Variants in ARL15 observed in about 807,000 individuals in gnomAD.
The protein encoded by ARL15 is ADP-ribosylation factor-like protein 15.
A neutral mutation model predicts 25.2 loss-of-function variants in ARL15; 19 were observed. The ratio of observed to expected loss-of-function variants is 0.75; its 90% CI spans 0.53 to 1.10. The LOEUF is 1.10. Ranked by LOEUF, ARL15 falls within the 50% of genes least tolerant of loss-of-function variation. ARL15 has a pLI of 0.00. For missense variants in ARL15, 220 were observed against 246.0 expected, an observed-to-expected ratio of 0.89 and a Z score of 0.71; for synonymous variants, 94 against 86.8, an observed-to-expected ratio of 1.08 and a Z score of -0.46.
At chr5:54,071,169 CAA>C (rs71598898) in intron 4 of ARL15, among the ~76,000 whole-genome samples, 16,570 of 137,714 alleles carry the variant, frequency 0.12, 1,391 homozygotes, top group African/African-American at 0.24. Flanking sequence ...GACCCTGTCT[CAA>C]AAAAAAAAAA....
intron 4 of ARL15, among the ~76,000 whole-genome samples, chr5:54,008,361 A>G (rs1749116009): frequency 6.6e-6 from 1 of 152,240 alleles, no homozygotes; most frequent in Non-Finnish European, 1.5e-5. Flanking sequence ...CGACTACTAA[A>G]TGCATTATTA....
At chr5:54,205,279 T>G (rs1755836432) in intron 1 of ARL15, among the ~76,000 whole-genome samples, 1 of 152,120 alleles carries the variant, frequency 6.6e-6, no homozygotes, top group African/African-American at 2.4e-5. Flanking sequence ...CCCATGACGG[T>G]AAAGGCATCT....
At chr5:54,143,553 T>A (rs1440984882) in intron 3 of ARL15, among the ~76,000 whole-genome samples, 1 of 152,076 alleles carries the variant, frequency 6.6e-6, no homozygotes, top group Non-Finnish European at 1.5e-5. Flanking sequence ...GGGAATTTAA[T>A]CTACTTACAT....
chr5:54,097,573 T>G (rs1752325614), intron 4 of ARL15, among the ~76,000 whole-genome samples: 1 of 152,210 alleles, frequency 6.6e-6, no homozygotes, highest in East Asian at 1.9e-4. Flanking sequence ...TTGTAGTATA[T>G]AAATTCCAAA....
At chr5:53,956,798 C>T (rs940915712) in intron 4 of ARL15, among the ~76,000 whole-genome samples, 2 of 151,934 alleles carry the variant, frequency 1.3e-5, no homozygotes, top group Non-Finnish European at 2.9e-5. Flanking sequence ...CTGAAAACTA[C>T]AATGACTCAA....
chr5:54,085,151 A>G (rs187728078), intron 4 of ARL15, among the ~76,000 whole-genome samples: 6 of 152,328 alleles, frequency 3.9e-5, no homozygotes, highest in South Asian at 2.1e-4. Flanking sequence ...TTCTGTACAG[A>G]ACAGGGAAAC....
chr5:54,000,261 A>G (rs1314868696), intron 4 of ARL15, among the ~76,000 whole-genome samples: 3 of 152,176 alleles, frequency 2.0e-5, no homozygotes, highest in Non-Finnish European at 4.4e-5. Flanking sequence ...AAAAACAAAA[A>G]CACCAACTCT....
intron 4 of ARL15, among the ~76,000 whole-genome samples, chr5:54,041,065 C>T (rs1750329484): frequency 6.6e-6 from 1 of 152,174 alleles, no homozygotes; most frequent in African/African-American, 2.4e-5. Context: ...ACATACGCCT[C>T]AAAGGCTTGG....
At chr5:53,964,286 T>A (rs200735840) in intron 4 of ARL15, among the ~76,000 whole-genome samples, 1,646 of 152,318 alleles carry the variant, frequency 0.011, 9 homozygotes, top group East Asian at 0.022. Context: ...TCCTTTTGTT[T>A]AAAAAAATTA....
chr5:54,138,856 T>G, intron 3 of ARL15, among the ~76,000 whole-genome samples: 1 of 151,822 alleles, frequency 6.6e-6, no homozygotes, highest in Non-Finnish European at 1.5e-5. Context: ...AATAGGCAAA[T>G]GACATGAATA....
At chr5:54,261,096 G>A (rs1281429643) in intron 1 of ARL15, among the ~76,000 whole-genome samples, 2 of 152,198 alleles carry the variant, frequency 1.3e-5, no homozygotes, top group East Asian at 1.9e-4. Context: ...GTGTGAGAAT[G>A]TCAGAAGGTA....
intron 4 of ARL15, among the ~76,000 whole-genome samples, chr5:53,992,054 A>C (rs1373068963): frequency 6.6e-6 from 1 of 152,158 alleles, no homozygotes; most frequent in Non-Finnish European, 1.5e-5. Flanking sequence ...TCCCATACCA[A>C]ATTGTTGCCA....
chr5:54,188,392 A>G (rs1298320269), intron 1 of ARL15, among the ~76,000 whole-genome samples: 1 of 152,204 alleles, frequency 6.6e-6, no homozygotes, highest in Non-Finnish European at 1.5e-5. Context: ...ATTCTATACA[A>G]GGAATTATGA....
intron 4 of ARL15, among the ~76,000 whole-genome samples, chr5:54,079,140 G>A (rs1238392861): frequency 1.3e-5 from 2 of 152,096 alleles, no homozygotes; most frequent in Non-Finnish European, 2.9e-5. Flanking sequence ...GTCAGATGCT[G>A]GAATAGTCAT....
chr5:54,020,690 A>G (rs1324067444), intron 4 of ARL15, among the ~76,000 whole-genome samples: 1 of 152,018 alleles, frequency 6.6e-6, no homozygotes, highest in East Asian at 1.9e-4. Flanking sequence ...TTCGTGGCTC[A>G]CTCCTGTAAT....
chr5:53,935,478 T>G (rs1580095580), intron 4 of ARL15, among the ~76,000 whole-genome samples: 1 of 152,182 alleles, frequency 6.6e-6, no homozygotes, highest in African/African-American at 2.4e-5. Context: ...TTCAGTACAG[T>G]TGGTGGACTT....
intron 4 of ARL15, among the ~76,000 whole-genome samples, chr5:54,103,671 A>G (rs1752508403): frequency 1.3e-5 from 2 of 152,212 alleles, no homozygotes; most frequent in Admixed American, 1.3e-4. Flanking sequence ...ACCGTTGTAC[A>G]TGTCCAGTTC....
intron 4 of ARL15, among the ~76,000 whole-genome samples, chr5:54,082,117 G>GAGGGAGGGAGGGAGGC (rs1445360354): frequency 1.4e-5 from 2 of 146,820 alleles, no homozygotes; most frequent in African/African-American, 4.9e-5. Context: ...AGGAGGGAGG[G>GAGGGAGGGAGGGAGGC]AGACAAATAC....
chr5:54,128,748 CA>C (rs1753341889), intron 3 of ARL15, among the ~76,000 whole-genome samples: 1 of 150,480 alleles, frequency 6.6e-6, no homozygotes, highest in South Asian at 2.1e-4. Flanking sequence ...CTCTGTCGCC[CA>C]GACTGTAGTG....
Sources: gnomAD v4.1 joint callset for allele counts (sites outside exome capture counted in the v4.1 genomes callset) on GRCh38, gnomAD v4.1.1 for gene constraint, MANE v1.5 for transcripts, NCBI Gene and HGNC (gene_info 2026-07-23, HGNC 2026-07-21) for gene names.